Variants in NPHS1 observed in about 807,000 individuals in gnomAD.
The protein encoded by NPHS1 is nephrin.
NPHS1 carries 107 observed loss-of-function variants against 139.7 expected under a neutral mutation model. The ratio of observed to expected loss-of-function variants is 0.77; its 90% confidence interval spans 0.66 to 0.90. NPHS1 has a LOEUF of 0.90. NPHS1 is among the 40% of genes least tolerant of loss of function. NPHS1 has a pLI of 0.00. For synonymous variants in NPHS1, 707 were observed against 706.6 expected, an observed-to-expected ratio of 1.00 and a Z score of -0.01; for missense variants, 1,580 against 1,654.2, an observed-to-expected ratio of 0.96 and a Z score of 0.78.
At chr19:35,838,817 A>C (rs1425940313) in intron 22 of NPHS1, among the ~76,000 whole-genome samples, 4 of 152,218 alleles carry the variant, frequency 2.6e-5, no homozygotes, top group African/African-American at 9.6e-5. Context: ...ATTGCACTCC[A>C]GCCTGGGCAA....
Position 35,852,099 on chromosome 19 carries a change from T to C in NPHS1, c.-262A>G, listed in dbSNP as rs1377076288. 2.7e-5 allele frequency among the ~76,000 whole-genome samples: 3 copies of C among 109,312 alleles called. No homozygotes were observed. Among genetic ancestry groups the C allele is most frequent in the Admixed American group, 1.6e-4 (2 of 12,624 alleles). The allele number at this position is 109,312 out of a possible 152,430, so 71.7% of individuals were successfully genotyped here. A position where few individuals can be genotyped will look rare whatever the true frequency, so the allele number is the denominator to read the frequency against. ...TTTTTCTTTTTTCTTTTTTTTTTCT[T>C]TTTTTTTTTTTTAGAGACGGGGTCT... On this transcript the variant is annotated 5_prime_UTR_variant, in exon 1 of 29. Coordinates refer to ENST00000378910, the MANE Select transcript of NPHS1 (RefSeq NM_004646.4).
intron 11 of NPHS1, among the ~76,000 whole-genome samples, chr19:35,847,095 G>A (rs987600068): frequency 6.6e-6 from 1 of 151,968 alleles, no homozygotes; most frequent in Non-Finnish European, 1.5e-5. Flanking sequence ...ACCCAGGCTG[G>A]AGTGCAGTGG....
chr19:35,835,417 A>G (rs1972944108), intron 23 of NPHS1, among the ~76,000 whole-genome samples: 1 of 148,250 alleles, frequency 6.7e-6, no homozygotes, highest in Non-Finnish European at 1.5e-5. Flanking sequence ...CTCCCACCTC[A>G]GCCTTCTGAG....
chr19:35,849,730 G>A (rs1309834475), intron 5 of NPHS1, 77 bp from the exon 6 acceptor site: 29 of 986,758 alleles, frequency 2.9e-5, no homozygotes. Flanking sequence ...AGGTGGGGAT[G>A]TCACCTCTGG....
At position 35,848,172 on chromosome 19, in the gene NPHS1, G is replaced by T; in HGVS notation, c.1316-7C>A. 1.2e-6 allele frequency: 2 copies of T among 1,614,034 alleles called. No individual in the cohort carries two copies. The highest frequency in any genetic ancestry group is 1.7e-6 in the Non-Finnish European group (2 of 1,180,034). On this transcript the variant is annotated splice_region_variant and splice_polypyrimidine_tract_variant and intron_variant, in intron 10 of 28. Transcript: ENST00000378910. ...CACAGTTTCTGGGCGGGATCTGGCG[G>T]GGAGAGGAAGGAAGAATGACTTTTT...
intron 20 of NPHS1, among the ~76,000 whole-genome samples, chr19:35,840,484 G>A (rs1435995155): frequency 1.2e-4 from 18 of 150,676 alleles, no homozygotes; most frequent in Admixed American, 2.7e-4. Flanking sequence ...ACAGGTGCCC[G>A]CCACCATGCC....
chr19:35,851,744 A>G, intron 1 of NPHS1, 36 bp downstream of exon 1: 2 of 1,558,152 alleles, frequency 1.3e-6, no homozygotes, highest in Non-Finnish European at 1.7e-6. Flanking sequence ...AATGGGGGCC[A>G]CTTGGCGCTG....
intron 11 of NPHS1, among the ~76,000 whole-genome samples, chr19:35,847,322 G>C (rs1973157389): frequency 6.7e-6 from 1 of 149,182 alleles, no homozygotes; most frequent in African/African-American, 2.5e-5. Context: ...TGGGATTACA[G>C]GCGTGAGCCA....
chr19:35,845,524 C>A lies in NPHS1; in HGVS notation c.1774G>T (p.Ala592Ser). ...TTGAATGGGGCTCTCCGGGGTGGGGCGGCCACGCCCTCCAGCCTGTGGAAC... is the reference window on the plus strand; with the variant it reads ...TTGAATGGGGCTCTCCGGGGTGGGGAGGCCACGCCCTCCAGCCTGTGGAAC... ...KEGERLEGVAAPPRRAPFKGS... is the reference protein window; with the variant it reads ...KEGERLEGVASPPRRAPFKGS... Residue 592 changes from alanine to serine, a missense_variant, in exon 14 of 29, where the codon GCC (alanine) becomes TCC (serine). Coordinates refer to ENST00000378910, the MANE Select transcript of NPHS1 (RefSeq NM_004646.4). This position sits in a 1 kb window ranked among gnomAD's most constrained non-coding sequence, Gnocchi z 5.5. The A allele has an allele frequency of 6.2e-7, 1 of 1,603,834 alleles. No homozygotes were observed.
At chr19:35,830,461 G>A (rs1342972802) in intron 28 of NPHS1, among the ~76,000 whole-genome samples, 1 of 152,202 alleles carries the variant, frequency 6.6e-6, no homozygotes, top group Admixed American at 6.5e-5. Flanking sequence ...CCAAGCTGGA[G>A]TGCAGTGGCA....
Position 35,849,028 on chromosome 19 carries a change from G to T in NPHS1, c.960C>A (p.His320Gln), listed in dbSNP as rs901960857. Residue 320 changes from histidine (H) to glutamine (Q), a missense_variant, in exon 8 of 29, where the codon CAC becomes CAA. Transcript: ENST00000378910. ...DHGAQLSCEAHNSVSAGTQEH... is the reference protein window; with the variant it reads ...DHGAQLSCEAQNSVSAGTQEH... ...CCTGGGTCCCTGCAGACACGCTGTT[G>T]TGGGCCTCGCAGCTGAGCTGCGCTC... The T allele has an allele frequency of 1.2e-5, 20 of 1,612,130 alleles. No individual in the cohort carries two copies. Among genetic ancestry groups the T allele is most frequent in the Non-Finnish European group, 1.6e-5 (19 of 1,180,040 alleles).
chr19:35,843,749 A>C, intron 16 of NPHS1, 156 bp from the exon 17 acceptor site: 2 of 942,488 alleles, frequency 2.1e-6, no homozygotes, highest in Non-Finnish European at 3.2e-6. Flanking sequence ...GAGAGTTCTC[A>C]AGGTTGGTGA....
At position 35,845,592 on chromosome 19, in the gene NPHS1, G is replaced by C. The variant is rs780276476; in HGVS notation, c.1758-52C>G. On this transcript the variant is annotated intron_variant, in intron 13 of 28. Transcript: ENST00000378910. The surrounding 1 kb of genome is among the most constrained non-coding windows in gnomAD (Gnocchi z 5.5). ...TGCGAGCGGAGCCAGAGGCTGGAGA[G>C]GCACTAGGCGGGGGCGGGACATGCG... The C allele has an allele frequency of 6.2e-7, 1 of 1,606,848 alleles. No individual in the cohort carries two copies. Among genetic ancestry groups the C allele is most frequent in the Admixed American group, 1.7e-5 (1 of 59,174 alleles).
Position 35,851,936 on chromosome 19 carries a change from C to A in NPHS1, c.-99G>T. On this transcript the variant is annotated 5_prime_UTR_variant, in exon 1 of 29. Coordinates refer to ENST00000378910, the MANE Select transcript of NPHS1 (RefSeq NM_004646.4). ...CCTCTCTGTGTGTCTCTGCCACCTG[C>A]TTTTCTTTTTTATCTCTTTCCGTTA... The A allele has an allele frequency of 9.7e-7, 1 of 1,032,868 alleles. No individual in the cohort carries two copies. Among genetic ancestry groups the A allele is most frequent in the South Asian group, 1.4e-5 (1 of 73,474 alleles). The allele number at this position is 1,032,868 out of a possible 1,614,324, so 64.0% of individuals were successfully genotyped here. A position where few individuals can be genotyped will look rare whatever the true frequency, so the allele number is the denominator to read the frequency against.
rs1362142877 is a variant in NPHS1 at position 35,851,843 on chromosome 19, G to T, written c.-6C>A. 6.4e-7 allele frequency: 1 copy of T among 1,550,540 alleles called. No homozygotes were observed. The highest frequency in any genetic ancestry group is 8.7e-7 in the Non-Finnish European group (1 of 1,146,750). On this transcript the variant is annotated 5_prime_UTR_variant, in exon 1 of 29. Transcript: ENST00000378910. ...AGCGTCGTCCCCAGGGCCATCACAG[G>T]TCCCCCTACTGTGACCCCCACAGCG... is the stretch of plus-strand genomic sequence containing the variant.
intron 14 of NPHS1, 120 bp from the exon 15 acceptor site, chr19:35,844,579 G>T: frequency 9.5e-7 from 1 of 1,055,650 alleles, no homozygotes; most frequent in Non-Finnish European, 1.4e-6. Flanking sequence ...TTAAGGTTGT[G>T]GACAAGGTAA....
In NPHS1 at chr19:35,848,782, G is replaced by A; in HGVS notation, c.1025C>T (p.Ala342Val). Reference sequence around the variant, plus strand: ...GGATGCAGATCCCAAGATAATAATGGCACTAGGGGGAACTGCAGGGACAGA... The same window carrying A: ...GGATGCAGATCCCAAGATAATAATGACACTAGGGGGAACTGCAGGGACAGA... ...ITLQVTFPPS[A>V]IIILGSASQT... The change falls in exon 9 of 29, where the codon GCC becomes GTC. Residue 342 changes from alanine to valine, a missense_variant. Ala to Val is a moderately conservative substitution (Grantham distance 64). Coordinates refer to ENST00000378910, the MANE Select transcript of NPHS1 (RefSeq NM_004646.4). 1.2e-6 allele frequency: 2 copies of A among 1,614,188 alleles called. No homozygotes were observed. Among genetic ancestry groups the A allele is most frequent in the Non-Finnish European group, 1.7e-6 (2 of 1,180,040 alleles).
intron 23 of NPHS1, among the ~76,000 whole-genome samples, chr19:35,833,486 GT>G (rs1304880517): frequency 6.6e-6 from 1 of 152,184 alleles, no homozygotes; most frequent in Non-Finnish European, 1.5e-5. Context: ...CCCAACGTGT[GT>G]TTTTAACAAA....
intron 17 of NPHS1, 23 bp from the exon 18 acceptor site, chr19:35,842,573 T>G: frequency 6.2e-7 from 1 of 1,613,356 alleles, no homozygotes. Flanking sequence ...GAGTCCAGAA[T>G]TGGCCTCCCA....
Sources: allele counts gnomAD v4.1 joint callset (sites outside exome capture counted in the v4.1 genomes callset), GRCh38; gene constraint gnomAD v4.1.1; non-coding constraint Gnocchi (gnomAD v3.1); transcripts MANE v1.5; gene names NCBI Gene and HGNC (gene_info 2026-07-23, HGNC 2026-07-21).